The following XPO6 variants were observed in gnomAD, a reference collection of about 807,000 sequenced individuals.
XPO6 encodes exportin 6, also known as exportin-6.
A neutral mutation model predicts 130.0 loss-of-function variants in XPO6; 3 were observed. The ratio of observed to expected loss-of-function variants is 0.02; its 90% confidence interval spans 0.01 to 0.06. The LOEUF (loss-of-function observed/expected upper bound fraction) is 0.06, where lower values mean the gene tolerates loss of function less well. Ranked by LOEUF, XPO6 falls within the 10% of genes least tolerant of loss-of-function variation. The probability of loss-of-function intolerance (pLI) is 1.00; values close to 1 mark genes in which losing one functional copy is unlikely to be tolerated. For synonymous variants in XPO6, 524 were observed against 548.9 expected, an observed-to-expected ratio of 0.95 and a Z score of 0.63; for missense variants, 970 against 1,393.0, an observed-to-expected ratio of 0.70 and a Z score of 4.83.
intron 1 of XPO6, among the ~76,000 whole-genome samples, chr16:28,200,890 G>T (rs943955831): frequency 2.0e-5 from 3 of 152,020 alleles, no homozygotes; most frequent in African/African-American, 7.3e-5. Flanking sequence ...ATGCATGAGG[G>T]CCCCTTAACG....
At chr16:28,147,815 T>C (rs2043012306) in intron 8 of XPO6, among the ~76,000 whole-genome samples, 1 of 152,148 alleles carries the variant, frequency 6.6e-6, no homozygotes, top group African/African-American at 2.4e-5. Context: ...AGCATGGCGA[T>C]GCACGCCTGT....
chr16:28,101,530 C>G lies in XPO6; in HGVS notation c.3204G>C (p.Glu1068Asp). 1 of 1,614,274 alleles carries G rather than the reference C, an allele frequency of 6.2e-7. No individual in the cohort carries two copies. The highest frequency in any genetic ancestry group is 1.1e-5 in the South Asian group (1 of 91,092). ...CCACACCATCACAGCTGGTCAGGAA[C>G]TCTGGGAGGAAGGCGGCAAAGAAGC... ...FDGFFAAFLP[E>D]FLTSCDGVDA... Residue 1068 changes from glutamate to aspartate, a missense_variant, in exon 23 of 24, where the codon GAG (glutamate) becomes GAC (aspartate). Physicochemically the swap from Glu to Asp is conservative, Grantham distance 45. Around this residue, in one of 4 missense-constraint regions of XPO6, gnomAD observed 936 missense variants for 1,306.8 expected, o/e 0.72. Coordinates refer to ENST00000304658, the MANE Select transcript of XPO6 (RefSeq NM_015171.4). The surrounding 1 kb of genome is among the most constrained non-coding windows in gnomAD (Gnocchi z 5.4).
intron 4 of XPO6, among the ~76,000 whole-genome samples, chr16:28,172,152 A>G (rs988170649): frequency 1.3e-5 from 2 of 152,226 alleles, no homozygotes; most frequent in Non-Finnish European, 1.5e-5. Flanking sequence ...CAGATGAAAA[A>G]AGAAAGCTAT....
At position 28,132,496 on chromosome 16, in the gene XPO6, G is replaced by T; in HGVS notation, c.1537-93C>A. 1 of 838,448 alleles carries T rather than the reference G, an allele frequency of 1.2e-6. No homozygotes were observed. The highest frequency in any genetic ancestry group is 1.9e-6 in the Non-Finnish European group (1 of 531,942). 51.9% of individuals were successfully genotyped at this position (838,448 alleles called of 1,614,324 possible). ...CATTACAACATTAACACGTAACTAT[G>T]GTGTGAGGAACAGGATCAAAACCTT... On this transcript the variant is annotated intron_variant, in intron 11 of 23. Transcript: ENST00000304658. The surrounding 1 kb of genome is among the most constrained non-coding windows in gnomAD (Gnocchi z 4.0).
chr16:28,125,872 T>C, intron 12 of XPO6, 24 bp from the exon 13 acceptor site: 1 of 1,606,170 alleles, frequency 6.2e-7, no homozygotes, highest in Middle Eastern at 1.7e-4. Flanking sequence ...CGCCAGACAG[T>C]TTTTCACAGG....
intron 9 of XPO6, among the ~76,000 whole-genome samples, chr16:28,137,144 C>T (rs945986968): frequency 1.3e-5 from 2 of 152,216 alleles, no homozygotes; most frequent in African/African-American, 4.8e-5. Flanking sequence ...GTGGAGGCAA[C>T]ACCCTCTCCT....
chr16:28,200,324 G>A (rs1004893701), intron 1 of XPO6, among the ~76,000 whole-genome samples: 2 of 152,106 alleles, frequency 1.3e-5, no homozygotes, highest in East Asian at 3.8e-4. Flanking sequence ...ATATAAAACA[G>A]CAGCAGGCTC....
intron 1 of XPO6, among the ~76,000 whole-genome samples, chr16:28,192,602 G>C (rs556403821): frequency 3.9e-5 from 6 of 152,256 alleles, no homozygotes; most frequent in African/African-American, 1.2e-4. Flanking sequence ...ACAAAGCCAG[G>C]CAGTGTTCTG....
At chr16:28,112,099 C>T (rs1596794857) in intron 16 of XPO6, 93 bp from the exon 17 acceptor site, 1 of 1,407,558 alleles carries the variant, frequency 7.1e-7, no homozygotes, top group African/African-American at 1.4e-5. Context: ...GCTGGCTGCA[C>T]ACCTGGAACC....
chr16:28,180,602 T>C (rs1475905199), intron 2 of XPO6, among the ~76,000 whole-genome samples: 2 of 151,944 alleles, frequency 1.3e-5, no homozygotes, highest in African/African-American at 4.8e-5. Context: ...GAGGCTGAGA[T>C]GGAAGGATCA....
intron 15 of XPO6, 70 bp from the exon 16 acceptor site, chr16:28,113,120 AGCCAC>A: frequency 6.5e-7 from 1 of 1,549,004 alleles, no homozygotes; most frequent in East Asian, 2.3e-5. Flanking sequence ...TTGCTGAGGC[AGCCAC>A]AAGCTATGTG....
chr16:28,114,701 A>G (rs536926937), intron 15 of XPO6, among the ~76,000 whole-genome samples: 4 of 152,320 alleles, frequency 2.6e-5, no homozygotes, highest in African/African-American at 9.6e-5. Flanking sequence ...ATTACTTAAA[A>G]TAAGACAACA....
At chr16:28,116,525 C>A (rs183766835) in intron 15 of XPO6, among the ~76,000 whole-genome samples, 6 of 151,302 alleles carry the variant, frequency 4.0e-5, no homozygotes, top group Admixed American at 1.3e-4. Flanking sequence ...GCTTTTGACA[C>A]GCCTTCCTCA....
rs1395765471 is a variant in XPO6 at position 28,132,840 on chromosome 16, A to G, written c.1537-437T>C. On this transcript the variant is annotated intron_variant, in intron 11 of 23. Transcript: ENST00000304658. This position sits in a 1 kb window ranked among gnomAD's most constrained non-coding sequence, Gnocchi z 4.0. ...GCCTTATTAAGCACATGGTAAAGTGATAAGATTGGCCAAATTATTTGGAAG... is the reference window on the plus strand; with the variant it reads ...GCCTTATTAAGCACATGGTAAAGTGGTAAGATTGGCCAAATTATTTGGAAG... Among the ~76,000 whole-genome samples, 3 of 152,278 alleles carry G rather than the reference A, an allele frequency of 2.0e-5. No homozygotes were observed. Among genetic ancestry groups the G allele is most frequent in the East Asian group, 1.9e-4 (1 of 5,180 alleles).
At chr16:28,145,028 C>T (rs1350499566) in intron 9 of XPO6, among the ~76,000 whole-genome samples, 1 of 152,144 alleles carries the variant, frequency 6.6e-6, no homozygotes, top group Non-Finnish European at 1.5e-5. Flanking sequence ...GAAGTAGGAG[C>T]TATAACCAAA....
At chr16:28,172,184 G>A (rs538648817) in intron 4 of XPO6, among the ~76,000 whole-genome samples, 1 of 152,318 alleles carries the variant, frequency 6.6e-6, no homozygotes, top group South Asian at 2.1e-4. Flanking sequence ...AAAAGAGCTT[G>A]ATAAAATGTA....
chr16:28,159,051 G>A (rs906052909), intron 6 of XPO6, among the ~76,000 whole-genome samples: 5 of 151,904 alleles, frequency 3.3e-5, no homozygotes, highest in African/African-American at 9.7e-5. Flanking sequence ...GCAACATAGC[G>A]ACACCCCGTC....
intron 12 of XPO6, among the ~76,000 whole-genome samples, chr16:28,130,863 G>A (rs1567609781): frequency 6.6e-6 from 1 of 152,194 alleles, no homozygotes; most frequent in Non-Finnish European, 1.5e-5. Flanking sequence ...ACAACAGAAT[G>A]TAAAAACACC....
At chr16:28,195,061 TG>T (rs1400474651) in intron 1 of XPO6, among the ~76,000 whole-genome samples, 1 of 151,804 alleles carries the variant, frequency 6.6e-6, no homozygotes, top group Non-Finnish European at 1.5e-5. Context: ...TCACTCCTTG[TG>T]GGCTTCAACA....
Sources: gnomAD v4.1 joint callset for allele counts (sites outside exome capture counted in the v4.1 genomes callset) on GRCh38, gnomAD v4.1.1 for gene constraint, gnomAD v4.1.1 regional missense constraint, Gnocchi (gnomAD v3.1) non-coding constraint, MANE v1.5 for transcripts, NCBI Gene and HGNC (gene_info 2026-07-23, HGNC 2026-07-21) for gene names.